The following PPP4R3A variants were observed in gnomAD, a reference collection of about 807,000 sequenced individuals.
PPP4R3A encodes the protein protein phosphatase 4 regulatory subunit 3A, also known as serine/threonine-protein phosphatase 4 regulatory subunit 3A.
In PPP4R3A, 15 loss-of-function variants were observed where a neutral mutation model predicts 91.7. The observed-to-expected ratio is 0.16, with a 90% CI of 0.11 to 0.25. The LOEUF is 0.25. Among genes scored for constraint, PPP4R3A ranks in the 10% least tolerant of loss-of-function variants. The probability of loss-of-function intolerance (pLI) is 1.00; values close to 1 mark genes in which losing one functional copy is unlikely to be tolerated. For missense variants in PPP4R3A, 623 were observed against 998.4 expected, an observed-to-expected ratio of 0.62 and a Z score of 5.07; for synonymous variants, 377 against 348.7, an observed-to-expected ratio of 1.08 and a Z score of -0.91.
chr14:91,463,219 C>T (rs529624013), intron 11 of PPP4R3A, among the ~76,000 whole-genome samples: 1 of 152,060 alleles, frequency 6.6e-6, no homozygotes, highest in Non-Finnish European at 1.5e-5. Flanking sequence ...GCATGCACCA[C>T]CACGCCTGGC....
At position 91,492,839 on chromosome 14, in the gene PPP4R3A, T is replaced by C. The variant is rs77077218; in HGVS notation, c.143-2037A>G. On this transcript the variant is annotated intron_variant, in intron 1 of 14. Transcript: ENST00000554943. The stretch of plus-strand genomic sequence containing the variant: ...CTTTTGCCAGATTAATCAAAACACA[T>C]TTTCCAGTGCCCCTTCAATTCTCTT... Among the ~76,000 whole-genome samples the C allele has an allele frequency of 3.1e-3, 468 of 152,330 alleles. 3 individuals carry two copies. Among genetic ancestry groups the C allele is most frequent in the African/African-American group, 0.011 (439 of 41,560 alleles).
At position 91,493,807 on chromosome 14, in the gene PPP4R3A, T is replaced by C. The variant is rs983944161; in HGVS notation, c.143-3005A>G. Reference sequence around the variant, plus strand: ...TTTTTTTTGAGACGGAGTTTCACTCTTGTTGCCCAGGCTGGAATGTAATGG... The same window carrying C: ...TTTTTTTTGAGACGGAGTTTCACTCCTGTTGCCCAGGCTGGAATGTAATGG... On this transcript the variant is annotated intron_variant, in intron 1 of 14. Transcript: ENST00000554943. Among the ~76,000 whole-genome samples, 106 of 149,692 alleles carry C rather than the reference T, an allele frequency of 7.1e-4. 2 individuals are homozygous for C. The highest frequency in any genetic ancestry group is 1.4e-3 in the East Asian group (7 of 5,136).
chr14:91,471,271 GT>G (rs1888813381), intron 9 of PPP4R3A, among the ~76,000 whole-genome samples: 1 of 152,156 alleles, frequency 6.6e-6, no homozygotes, highest in African/African-American at 2.4e-5. Context: ...GTAAGGCAGA[GT>G]TATGATACAA....
intron 14 of PPP4R3A, among the ~76,000 whole-genome samples, chr14:91,460,538 T>C (rs1444172723): frequency 6.6e-6 from 1 of 152,038 alleles, no homozygotes; most frequent in Non-Finnish European, 1.5e-5. Flanking sequence ...ATCAATATAT[T>C]ATGTCTCAAA....
rs1352440378 is a variant in PPP4R3A at position 91,481,979 on chromosome 14, T to C, written c.512A>G (p.Lys171Arg). The change falls in exon 4 of 15, where the codon AAA becomes AGA. Residue 171 changes from lysine to arginine, a missense_variant. Lys to Arg is a conservative substitution (Grantham distance 26). Coordinates refer to ENST00000554943, the MANE Select transcript of PPP4R3A (RefSeq NM_001366432.2). ...ALALENEGYI[K>R]KLLELFHVCE... is the part of the protein sequence containing the mutation. ...CACATGAAAAAGCTCCAGGAGCTTT[T>C]TAATATAACCCTCATTTTCTAGTGC... 1.2e-6 allele frequency: 2 copies of C among 1,614,124 alleles called. No individual in the cohort carries two copies. Among genetic ancestry groups the C allele is most frequent in the Admixed American group, 3.3e-5 (2 of 60,016 alleles).
chr14:91,480,898 G>C (rs1010114055), intron 4 of PPP4R3A, among the ~76,000 whole-genome samples: 1 of 152,076 alleles, frequency 6.6e-6, no homozygotes, highest in Non-Finnish European at 1.5e-5. Context: ...AGGTGGCTAT[G>C]GTAGCATGCA....
chr14:91,481,907 A>G lies in PPP4R3A; in HGVS notation c.584T>C (p.Ile195Thr), dbSNP rs1215606759. ...NIEGLHHLYE[I>T]IKGIFLLNRT... ...ATTCAAGAGAAAGATGCCTTTGATA[A>G]TTTCATACAAGTGGTGCAGTCCTTC... Residue 195 changes from isoleucine to threonine, a missense_variant, in exon 4 of 15, where the codon ATT becomes ACT. Transcript: ENST00000554943. The G allele has an allele frequency of 3.1e-6, 5 of 1,614,016 alleles. No homozygotes were observed. The highest frequency in any genetic ancestry group is 1.1e-5 in the South Asian group (1 of 91,028).
chr14:91,486,687 A>T (rs1889901121), intron 2 of PPP4R3A, among the ~76,000 whole-genome samples: 1 of 152,004 alleles, frequency 6.6e-6, no homozygotes, highest in Non-Finnish European at 1.5e-5. Context: ...TGGGAGGCTG[A>T]GGTGGGCGGA....
intron 4 of PPP4R3A, among the ~76,000 whole-genome samples, chr14:91,480,826 AG>A (rs998712664): frequency 1.3e-5 from 2 of 152,192 alleles, no homozygotes; most frequent in Non-Finnish European, 2.9e-5. Context: ...GCTTGAAGCC[AG>A]GAGTTTGAGA....
intron 10 of PPP4R3A, among the ~76,000 whole-genome samples, chr14:91,467,294 T>A (rs1050660746): frequency 2.6e-5 from 3 of 113,334 alleles, no homozygotes; most frequent in African/African-American, 1.0e-4. Flanking sequence ...GGAAGTCAAG[T>A]CACTCAAAGT....
rs780432320 is a variant in PPP4R3A at position 91,458,657 on chromosome 14, T to C, written c.*102A>G. 30 of 1,527,832 alleles carry C rather than the reference T, an allele frequency of 2.0e-5. No homozygotes were observed. The highest frequency in any genetic ancestry group is 2.7e-5 in the Non-Finnish European group (30 of 1,102,598). 94.6% of individuals were successfully genotyped at this position (1,527,832 alleles called of 1,614,324 possible). ...AGTGTAAGAGGCTGATCTGTGTCAG[T>C]CATTCACAAGAGACCACTGCGCTTT... On this transcript the variant is annotated 3_prime_UTR_variant, in exon 15 of 15. Transcript: ENST00000554943.
intron 1 of PPP4R3A, among the ~76,000 whole-genome samples, chr14:91,500,600 C>T (rs1890887998): frequency 6.6e-6 from 1 of 152,048 alleles, no homozygotes; most frequent in Non-Finnish European, 1.5e-5. Flanking sequence ...CCCATAAACA[C>T]CAAGCATTAA....
chr14:91,467,093 G>A (rs1888522234), intron 10 of PPP4R3A, among the ~76,000 whole-genome samples: 1 of 152,204 alleles, frequency 6.6e-6, no homozygotes, highest in Non-Finnish European at 1.5e-5. Context: ...TGCTGGGGTA[G>A]ATAGAAGGAG....
chr14:91,479,822 G>A (rs961174335), intron 4 of PPP4R3A, among the ~76,000 whole-genome samples: 26 of 152,200 alleles, frequency 1.7e-4, no homozygotes, highest in African/African-American at 6.3e-4. Context: ...GATTGTAGGC[G>A]TGAGCTACCG....
intron 4 of PPP4R3A, among the ~76,000 whole-genome samples, chr14:91,477,735 G>C (rs1470518499): frequency 6.6e-6 from 1 of 152,050 alleles, no homozygotes; most frequent in Non-Finnish European, 1.5e-5. Context: ...TGCAACCTCC[G>C]CCTCCCAGGT....
chr14:91,469,672 G>A (rs1320095938), intron 10 of PPP4R3A, among the ~76,000 whole-genome samples: 1 of 152,086 alleles, frequency 6.6e-6, no homozygotes, highest in Non-Finnish European at 1.5e-5. Flanking sequence ...AGGTTCAAGC[G>A]ATCCTTCTGC....
chr14:91,495,337 T>A (rs1243278244), intron 1 of PPP4R3A, among the ~76,000 whole-genome samples: 4 of 152,030 alleles, frequency 2.6e-5, no homozygotes, highest in Non-Finnish European at 4.4e-5. Flanking sequence ...TGTTTTTTTT[T>A]AGACAGTCTC....
chr14:91,483,113 A>T lies in PPP4R3A; in HGVS notation c.298-920T>A, dbSNP rs147466085. Among the ~76,000 whole-genome samples, 27 of 152,116 alleles carry T rather than the reference A, an allele frequency of 1.8e-4. No individual in the cohort carries two copies. The East Asian group carries it at 4.6e-3, about 26-fold the overall frequency. On this transcript the variant is annotated intron_variant, in intron 3 of 14. Transcript: ENST00000554943. ...TATTGACTACATTTTAAAGTAAGGC[A>T]TTTTTTTTGGTAACAAAAGGTCAAG...
rs200456384 is a variant in PPP4R3A, at chr14:91,481,959, G to A, written c.532C>T (p.His178Tyr). The A allele has an allele frequency of 1.9e-6, 3 of 1,613,986 alleles. No homozygotes were observed. Among genetic ancestry groups the A allele is most frequent in the South Asian group, 1.1e-5 (1 of 91,070 alleles). ...GYIKKLLELF[H>Y]VCEDLENIEG... Reference sequence around the variant, plus strand: ...ATATTTTCCAAATCTTCACACACATGAAAAAGCTCCAGGAGCTTTTTAATA... The same window carrying A: ...ATATTTTCCAAATCTTCACACACATAAAAAAGCTCCAGGAGCTTTTTAATA... Residue 178 changes from histidine (H) to tyrosine (Y), a missense_variant, in exon 4 of 15, where the codon CAT becomes TAT. His to Tyr is a moderately conservative substitution (Grantham distance 83). Transcript: ENST00000554943.
Sources: allele counts gnomAD v4.1 joint callset (sites outside exome capture counted in the v4.1 genomes callset), GRCh38; gene constraint gnomAD v4.1.1; transcripts MANE v1.5; gene names NCBI Gene and HGNC (gene_info 2026-07-23, HGNC 2026-07-21).